The following PPM1B variants were observed in gnomAD, a reference collection of about 807,000 sequenced individuals.
PPM1B encodes protein phosphatase 1B.
Under a neutral mutation model 43.0 loss-of-function variants are expected in PPM1B, and 22 were observed. The observed-to-expected ratio is 0.51, with a 90% CI of 0.37 to 0.73. The LOEUF (loss-of-function observed/expected upper bound fraction) is 0.73. PPM1B is among the 30% of genes least tolerant of loss of function. The pLI, the probability that PPM1B is intolerant of heterozygous loss-of-function variation, is 0.00. For missense variants in PPM1B, 632 were observed against 584.2 expected, an observed-to-expected ratio of 1.08 and a Z score of -0.84; for synonymous variants, 217 against 197.9, an observed-to-expected ratio of 1.10 and a Z score of -0.81.
chr2:44,214,704 C>G (rs187408019), intron 3 of PPM1B, among the ~76,000 whole-genome samples: 1 of 151,904 alleles, frequency 6.6e-6, no homozygotes, highest in Non-Finnish European at 1.5e-5. Context: ...CAGAGTGGTC[C>G]TATATCAAGT....
chr2:44,235,771 T>A (rs1310390537), downstream of PPM1B, among the ~76,000 whole-genome samples: 1 of 152,034 alleles, frequency 6.6e-6, no homozygotes, highest in Non-Finnish European at 1.5e-5. Context: ...TGGTGTCACA[T>A]GCCTATAGTC....
At chr2:44,203,823 AAAG>A (rs1553332756) in intron 2 of PPM1B, among the ~76,000 whole-genome samples, 1 of 152,216 alleles carries the variant, frequency 6.6e-6, no homozygotes, top group Non-Finnish European at 1.5e-5. Context: ...TGGACTAAGG[AAAG>A]AAGTTTGTGT....
At chr2:44,173,338 CAT>C (rs1412840845) in intron 1 of PPM1B, among the ~76,000 whole-genome samples, 1 of 152,164 alleles carries the variant, frequency 6.6e-6, no homozygotes, top group African/African-American at 2.4e-5. Flanking sequence ...TTTTTAGTAA[CAT>C]ATAACATCCT....
At chr2:44,184,886 A>G (rs1319133931) in intron 1 of PPM1B, among the ~76,000 whole-genome samples, 1 of 151,272 alleles carries the variant, frequency 6.6e-6, no homozygotes, top group Non-Finnish European at 1.5e-5. Context: ...AGATATTTCT[A>G]TATCACTTTA....
At chr2:44,171,521 G>A (rs1252378947) in intron 1 of PPM1B, among the ~76,000 whole-genome samples, 1 of 152,112 alleles carries the variant, frequency 6.6e-6, no homozygotes, top group Non-Finnish European at 1.5e-5. Context: ...TAGTGATTGT[G>A]GTGATTCATT....
intron 1 of PPM1B, among the ~76,000 whole-genome samples, chr2:44,198,941 G>A (rs376359745): frequency 1.3e-5 from 2 of 152,230 alleles, no homozygotes; most frequent in East Asian, 3.9e-4. Flanking sequence ...ACAATCACAA[G>A]TATCCCATAT....
At chr2:44,226,288 A>G (rs1670206055) in intron 5 of PPM1B, among the ~76,000 whole-genome samples, 1 of 151,974 alleles carries the variant, frequency 6.6e-6, no homozygotes, top group Non-Finnish European at 1.5e-5. Flanking sequence ...TATATCTTTT[A>G]AAAAGCAACT....
chr2:44,212,755 A>G (rs139585112), intron 3 of PPM1B, among the ~76,000 whole-genome samples: 24 of 152,314 alleles, frequency 1.6e-4, no homozygotes, highest in Admixed American at 3.9e-4. Flanking sequence ...TCACGCCTGT[A>G]ATCCCAGCAC....
At chr2:44,217,837 TTG>T (rs1397662655) in intron 3 of PPM1B, 128 bp from the exon 4 acceptor site, 2 of 471,996 alleles carry the variant, frequency 4.2e-6, no homozygotes, top group African/African-American at 4.1e-5. Context: ...TAAAAATTTT[TTG>T]TGTGTTGATG....
chr2:44,171,305 A>C (rs932792024), intron 1 of PPM1B, among the ~76,000 whole-genome samples: 1 of 152,210 alleles, frequency 6.6e-6, no homozygotes, highest in Non-Finnish European at 1.5e-5. Context: ...CCTTAAGATT[A>C]CATCATCTGA....
At chr2:44,210,866 G>C (rs1202638736) in intron 3 of PPM1B, among the ~76,000 whole-genome samples, 1 of 152,090 alleles carries the variant, frequency 6.6e-6, no homozygotes, top group Non-Finnish European at 1.5e-5. Context: ...GACCCAGCAC[G>C]GTGGCTCACA....
intron 1 of PPM1B, among the ~76,000 whole-genome samples, chr2:44,197,955 C>G (rs536535779): frequency 1.3e-5 from 2 of 152,158 alleles, no homozygotes; most frequent in East Asian, 3.9e-4. Flanking sequence ...CTTCAGAAAC[C>G]TTTGGGAAAA....
intron 2 of PPM1B, among the ~76,000 whole-genome samples, chr2:44,205,458 A>G (rs1236452247): frequency 6.6e-6 from 1 of 151,368 alleles, no homozygotes; most frequent in African/African-American, 2.4e-5. Flanking sequence ...TTTTTTTTGT[A>G]ACAAATACAG....
At chr2:44,219,534 A>T (rs949699736) in intron 5 of PPM1B, among the ~76,000 whole-genome samples, 3 of 152,208 alleles carry the variant, frequency 2.0e-5, no homozygotes, top group African/African-American at 7.2e-5. Context: ...AATAATTAAT[A>T]TAATTTTAGT....
chr2:44,189,587 C>T (rs183592905), intron 1 of PPM1B, among the ~76,000 whole-genome samples: 1 of 152,216 alleles, frequency 6.6e-6, no homozygotes, highest in East Asian at 1.9e-4. Flanking sequence ...CCTCAGCCTC[C>T]CAAGTAGCTG....
At chr2:44,242,801 T>C (rs1307622023) in intron 5 of PPM1B, among the ~76,000 whole-genome samples, 1 of 152,228 alleles carries the variant, frequency 6.6e-6, no homozygotes, top group Non-Finnish European at 1.5e-5. Flanking sequence ...ATATTCTGTT[T>C]ACATATTTAT....
At chr2:44,175,790 T>A (rs1667555906) in intron 1 of PPM1B, among the ~76,000 whole-genome samples, 1 of 151,326 alleles carries the variant, frequency 6.6e-6, no homozygotes, top group East Asian at 1.9e-4. Flanking sequence ...TTGAGATTTT[T>A]TTTTTTTTTT....
At chr2:44,204,400 T>C (rs1249978602) in intron 2 of PPM1B, among the ~76,000 whole-genome samples, 1 of 152,196 alleles carries the variant, frequency 6.6e-6, no homozygotes, top group Non-Finnish European at 1.5e-5. Context: ...AATAAGTAGA[T>C]GTTTCCCTGA....
rs1193895372 is a variant in PPM1B at position 44,201,053 on chromosome 2, T to C, written c.-14-133T>C. The C allele has an allele frequency of 3.2e-6, 3 of 951,564 alleles. No homozygotes were observed. The highest frequency in any genetic ancestry group is 6.4e-5 in the Admixed American group (2 of 31,468). 58.9% of individuals were successfully genotyped at this position (951,564 alleles called of 1,614,324 possible). On this transcript the variant is annotated intron_variant, in intron 1 of 5. Transcript: ENST00000282412. This position sits in a 1 kb window ranked among gnomAD's most constrained non-coding sequence, Gnocchi z 5.4. ...TAGGGGAGGAAATTTCTTGGGCTTTTGTTGTTGCTCCCGTAAATTAGGATA... is the reference window on the plus strand; with the variant it reads ...TAGGGGAGGAAATTTCTTGGGCTTTCGTTGTTGCTCCCGTAAATTAGGATA...
Sources: allele counts gnomAD v4.1 joint callset (sites outside exome capture counted in the v4.1 genomes callset), GRCh38; gene constraint gnomAD v4.1.1; non-coding constraint Gnocchi (gnomAD v3.1); transcripts MANE v1.5; gene names NCBI Gene and HGNC (gene_info 2026-07-23, HGNC 2026-07-21).